The following DPP10 variants were observed in gnomAD, a reference collection of about 807,000 sequenced individuals.
The protein encoded by DPP10 is inactive dipeptidyl peptidase 10.
DPP10 carries 33 observed loss-of-function variants against 120.9 expected under a neutral mutation model. The observed-to-expected ratio is 0.27, with a 90% confidence interval of 0.21 to 0.37. DPP10 has a LOEUF of 0.37. DPP10 is among the 10% of genes least tolerant of loss of function. DPP10 has a pLI of 1.00. For synonymous variants in DPP10, 337 were observed against 326.1 expected, an observed-to-expected ratio of 1.03 and a Z score of -0.36; for missense variants, 816 against 942.8, an observed-to-expected ratio of 0.87 and a Z score of 1.76.
chr2:114,530,819 G>C (rs932303163), intron 1 of DPP10, among the ~76,000 whole-genome samples: 3 of 152,004 alleles, frequency 2.0e-5, no homozygotes, highest in African/African-American at 7.2e-5. Flanking sequence ...ATATTATTTT[G>C]GAACATCAAG....
intron 1 of DPP10, among the ~76,000 whole-genome samples, chr2:115,053,607 A>G (rs910938224): frequency 2.0e-5 from 3 of 152,236 alleles, no homozygotes; most frequent in Non-Finnish European, 4.4e-5. Context: ...AATCGTTAAA[A>G]TGGTAAATTT....
chr2:114,850,171 C>T (rs1688848285), intron 1 of DPP10, among the ~76,000 whole-genome samples: 2 of 152,056 alleles, frequency 1.3e-5, no homozygotes, highest in African/African-American at 4.8e-5. Flanking sequence ...TAGGTGCACA[C>T]CACCGTGCCT....
In DPP10 at chr2:114,708,414, T is replaced by A. The variant is rs182201144; in HGVS notation, c.60+265576T>A. On this transcript the variant is annotated intron_variant, in intron 1 of 25. Transcript: ENST00000410059. The stretch of plus-strand genomic sequence containing the variant: ...ACTGTATCCTCAGCACATGCTACAG[T>A]TTTCCCAAAAACTACAGCAGAAGGG... Among the ~76,000 whole-genome samples the A allele has an allele frequency of 1.8e-3, 280 of 152,238 alleles. 2 individuals carry two copies. The highest frequency in any genetic ancestry group is 6.3e-3 in the African/African-American group (263 of 41,538).
intron 3 of DPP10, among the ~76,000 whole-genome samples, chr2:115,497,337 C>G (rs1313714320): frequency 6.6e-6 from 1 of 152,088 alleles, no homozygotes; most frequent in East Asian, 1.9e-4. Context: ...CAATGGTTCG[C>G]TTGGCCAATA....
At chr2:115,581,709 G>C (rs1198015640) in intron 5 of DPP10, among the ~76,000 whole-genome samples, 1 of 151,942 alleles carries the variant, frequency 6.6e-6, no homozygotes, top group Non-Finnish European at 1.5e-5. Context: ...AAGACCCCCT[G>C]GTCATTTGGG....
chr2:114,768,405 C>T (rs995829809), intron 1 of DPP10, among the ~76,000 whole-genome samples: 9 of 152,112 alleles, frequency 5.9e-5, no homozygotes, highest in East Asian at 1.9e-4. Context: ...TAAATGATCA[C>T]GACAACAATA....
At chr2:114,862,156 A>G (rs939932133) in intron 1 of DPP10, among the ~76,000 whole-genome samples, 4 of 152,166 alleles carry the variant, frequency 2.6e-5, no homozygotes, top group African/African-American at 9.6e-5. Context: ...TATAGAGGGA[A>G]GCACTAGACA....
intron 1 of DPP10, among the ~76,000 whole-genome samples, chr2:114,726,887 G>A (rs934603017): frequency 6.6e-5 from 10 of 152,148 alleles, no homozygotes; most frequent in African/African-American, 2.4e-4. Context: ...TCTGGGAATG[G>A]AAATTCTCTT....
chr2:114,898,690 CA>C (rs770198105), intron 1 of DPP10, among the ~76,000 whole-genome samples: 2 of 152,090 alleles, frequency 1.3e-5, no homozygotes, highest in Non-Finnish European at 2.9e-5. Flanking sequence ...ACAATAATAA[CA>C]ACTATTTAGT....
intron 7 of DPP10, among the ~76,000 whole-genome samples, chr2:115,714,895 C>T (rs924012023): frequency 4.0e-5 from 6 of 151,856 alleles, no homozygotes; most frequent in African/African-American, 9.7e-5. Context: ...CCAGGCATGG[C>T]GACAGGCGCC....
intron 3 of DPP10, among the ~76,000 whole-genome samples, chr2:115,436,414 T>G (rs1236993399): frequency 6.6e-6 from 1 of 151,778 alleles, no homozygotes; most frequent in African/African-American, 2.4e-5. Flanking sequence ...TTTTTTTAAT[T>G]ATCAGGTATT....
intron 1 of DPP10, among the ~76,000 whole-genome samples, chr2:114,863,844 C>A (rs148305316): frequency 4.6e-5 from 7 of 152,286 alleles, no homozygotes; most frequent in African/African-American, 1.4e-4. Flanking sequence ...CTGCCCCTTG[C>A]ACACTAAGGG....
chr2:115,791,796 G>A (rs1684020895), intron 19 of DPP10, among the ~76,000 whole-genome samples: 1 of 152,048 alleles, frequency 6.6e-6, no homozygotes, highest in Non-Finnish European at 1.5e-5. Flanking sequence ...CTTGACTCAA[G>A]TTTTTTTCAT....
intron 1 of DPP10, among the ~76,000 whole-genome samples, chr2:115,134,785 T>C (rs1419212781): frequency 6.6e-6 from 1 of 152,152 alleles, no homozygotes; most frequent in Non-Finnish European, 1.5e-5. Flanking sequence ...AGTGGTTTCG[T>C]TGTATTATAT....
Position 115,791,163 on chromosome 2 carries a change from T to C in DPP10, c.1614T>C (p.Leu538=). The C allele has an allele frequency of 6.2e-7, 1 of 1,613,536 alleles. No homozygotes were observed. The highest frequency in any genetic ancestry group is 8.5e-7 in the Non-Finnish European group (1 of 1,179,698). Residue 538 remains leucine, a synonymous_variant, in exon 18 of 26, where the codon CTT becomes CTC. Transcript: ENST00000410059. ...KKIGKPEIKI[L]HIDDYELPLQ... ...TAGGAAAGCCAGAAATTAAAATCCTTCATATTGACGACTATGGTAAAATTT... is the reference window on the plus strand; with the variant it reads ...TAGGAAAGCCAGAAATTAAAATCCTCCATATTGACGACTATGGTAAAATTT...
At chr2:115,802,553 C>T (rs981943846) in intron 19 of DPP10, among the ~76,000 whole-genome samples, 3 of 152,112 alleles carry the variant, frequency 2.0e-5, no homozygotes, top group African/African-American at 7.2e-5. Flanking sequence ...TTCCTGCTTT[C>T]TGTTGTGGGC....
At chr2:115,386,776 C>A (rs1390478011) in intron 3 of DPP10, among the ~76,000 whole-genome samples, 8 of 152,074 alleles carry the variant, frequency 5.3e-5, no homozygotes, top group African/African-American at 1.9e-4. Flanking sequence ...ATTCCTCTCA[C>A]AATAATCCTT....
At chr2:115,731,086 G>A (rs770019035) in intron 8 of DPP10, among the ~76,000 whole-genome samples, 7 of 152,080 alleles carry the variant, frequency 4.6e-5, no homozygotes, top group Non-Finnish European at 1.0e-4. Flanking sequence ...AAGGCTGGGT[G>A]TGGTGGCTCA....
At chr2:114,876,663 T>A (rs1210651680) in intron 1 of DPP10, among the ~76,000 whole-genome samples, 1 of 152,112 alleles carries the variant, frequency 6.6e-6, no homozygotes, top group Non-Finnish European at 1.5e-5. Flanking sequence ...CAATTTCTCA[T>A]CTTTGCTCAA....
Sources: allele counts gnomAD v4.1 joint callset (sites outside exome capture counted in the v4.1 genomes callset), GRCh38; gene constraint gnomAD v4.1.1; transcripts MANE v1.5; gene names NCBI Gene and HGNC (gene_info 2026-07-23, HGNC 2026-07-21).